Variants in HADHA observed in about 807,000 individuals in gnomAD.
HADHA encodes the protein trifunctional enzyme subunit alpha, mitochondrial.
A neutral mutation model predicts 91.3 loss-of-function variants in HADHA; 59 were observed. The ratio of observed to expected loss-of-function variants is 0.65; its 90% CI spans 0.52 to 0.80. The LOEUF (loss-of-function observed/expected upper bound fraction) is 0.80, where lower values mean the gene tolerates loss of function less well. HADHA is among the 30% of genes least tolerant of loss of function. The probability of loss-of-function intolerance (pLI) is 0.00; values close to 1 mark genes in which losing one functional copy is unlikely to be tolerated. For missense variants in HADHA, 800 were observed against 927.6 expected, an observed-to-expected ratio of 0.86 and a Z score of 1.79; for synonymous variants, 320 against 338.9, an observed-to-expected ratio of 0.94 and a Z score of 0.61.
chr2:26,226,620 C>T (rs1209679639), intron 7 of HADHA, among the ~76,000 whole-genome samples: 4 of 151,956 alleles, frequency 2.6e-5, no homozygotes, highest in Non-Finnish European at 5.9e-5. Flanking sequence ...TATTCATATG[C>T]AAAAAGGGAA....
In HADHA at chr2:26,215,195, A is replaced by G. The variant is rs757436238; in HGVS notation, c.677-20T>C. On this transcript the variant is annotated intron_variant, in intron 7 of 19. Coordinates refer to ENST00000380649, the MANE Select transcript of HADHA (RefSeq NM_000182.5). ...CTGGTCCTATAAAAATGAATGCAACACTGGAATGCAAATCAGGCTTAGACC... is the reference window on the plus strand; with the variant it reads ...CTGGTCCTATAAAAATGAATGCAACGCTGGAATGCAAATCAGGCTTAGACC... The G allele has an allele frequency of 2.5e-6, 4 of 1,611,500 alleles. No individual in the cohort carries two copies. The African/African-American group carries it at 5.3e-5, about 22-fold the overall frequency.
rs774114061 is a variant in HADHA at position 26,191,334 on chromosome 2, A to C, written c.2208T>G (p.Tyr736Ter). ...TGAACTGTTTTCCATAGGCAGCTTC[A>C]TATTTCTTGAGCCGGTCCACTATCT... ...AQKIVDRLKK[Y>*]EAAYGKQFTP... The change falls in exon 20 of 20, where the codon TAT becomes TAG. Residue 736 changes from tyrosine (Y) to a stop codon, truncating the protein, a stop_gained. Coordinates refer to ENST00000380649, the MANE Select transcript of HADHA (RefSeq NM_000182.5). LOFTEE classifies it high-confidence loss of function. 1 of 1,614,132 alleles carries C rather than the reference A, an allele frequency of 6.2e-7. No homozygotes were observed. The highest frequency in any genetic ancestry group is 8.5e-7 in the Non-Finnish European group (1 of 1,180,032).
intron 18 of HADHA, 115 bp downstream of exon 18, chr2:26,192,195 C>T: frequency 1.5e-6 from 1 of 676,454 alleles, no homozygotes; most frequent in African/African-American, 1.8e-5. Flanking sequence ...CAAACCTGCA[C>T]ATGTATCCCA....
chr2:26,236,571 A>C (rs535287630), intron 4 of HADHA, among the ~76,000 whole-genome samples: 2 of 151,906 alleles, frequency 1.3e-5, no homozygotes, highest in African/African-American at 4.8e-5. Flanking sequence ...AGCGTGTGCC[A>C]CCATGCCTAA....
chr2:26,244,488 A>C, intron 1 of HADHA, 42 bp downstream of exon 1: 1 of 1,549,608 alleles, frequency 6.5e-7, no homozygotes, highest in Non-Finnish European at 8.7e-7. Flanking sequence ...TCCCGGCAGG[A>C]GTTCTGCCCG....
intron 11 of HADHA, among the ~76,000 whole-genome samples, 189 bp downstream of exon 11, chr2:26,209,591 A>C (rs1016374936): frequency 6.6e-6 from 1 of 152,158 alleles, no homozygotes; most frequent in African/African-American, 2.4e-5. Flanking sequence ...TTTGGAAAAA[A>C]CTCAGAACAG....
intron 3 of HADHA, 76 bp downstream of exon 3, chr2:26,238,858 T>C: frequency 3.4e-6 from 3 of 891,372 alleles, no homozygotes; most frequent in Non-Finnish European, 5.7e-6. Context: ...TGGGGAAATA[T>C]GGGATACATC....
chr2:26,193,126 G>C (rs79247845), intron 17 of HADHA, among the ~76,000 whole-genome samples: 1 of 151,926 alleles, frequency 6.6e-6, no homozygotes, highest in Admixed American at 6.6e-5. Context: ...GGTAAAGCCC[G>C]GATGCAGAGC....
At position 26,232,886 on chromosome 2, in the gene HADHA, C is replaced by A. The variant is rs533786916; in HGVS notation, c.454-607G>T. 2.1e-5 allele frequency among the ~76,000 whole-genome samples: 3 copies of A among 145,768 alleles called. No homozygotes were observed. The East Asian group carries it at 6.4e-4, about 31-fold the overall frequency. On this transcript the variant is annotated intron_variant, in intron 5 of 19. Transcript: ENST00000380649. ...ACACATCTAGGCTATATGGGATAGCCTATTGCTCCTAGTCCAGCAGTCCCC... is the reference window on the plus strand; with the variant it reads ...ACACATCTAGGCTATATGGGATAGCATATTGCTCCTAGTCCAGCAGTCCCC...
chr2:26,214,962 A>G lies in HADHA; in HGVS notation c.799+91T>C, dbSNP rs1574615253. 4.9e-5 allele frequency: 57 copies of G among 1,165,568 alleles called. No homozygotes were observed. In the East Asian group the frequency reaches 1.3e-3, roughly 27 times the overall value. 72.2% of individuals were successfully genotyped at this position (1,165,568 alleles called of 1,614,324 possible). A position where few individuals can be genotyped will look rare whatever the true frequency, so the allele number is the denominator to read the frequency against. On this transcript the variant is annotated intron_variant, in intron 8 of 19. Transcript: ENST00000380649. The surrounding 1 kb of genome is among the most constrained non-coding windows in gnomAD (Gnocchi z 4.1). ...ACTTTATGCTTTGAGTAAATAATGC[A>G]TTTACCACTTCCTCATTTTGAATCT...
chr2:26,231,835 G>A (rs919196028), intron 6 of HADHA, among the ~76,000 whole-genome samples: 3 of 152,018 alleles, frequency 2.0e-5, no homozygotes, highest in Non-Finnish European at 4.4e-5. Flanking sequence ...TGGGTGCAGT[G>A]GTGCACGCCT....
rs72849161 is a variant in HADHA at position 26,195,599 on chromosome 2, C to T, written c.1480-367G>A. On this transcript the variant is annotated intron_variant, in intron 14 of 19. Transcript: ENST00000380649. Reference sequence around the variant, plus strand: ...GATAAGAGGATCCAGTTTTTTTGGGCGGGGGTGGGGCAGGCAGAAGAATTA... The same window carrying T: ...GATAAGAGGATCCAGTTTTTTTGGGTGGGGGTGGGGCAGGCAGAAGAATTA... Among the ~76,000 whole-genome samples the T allele has an allele frequency of 4.9e-3, 310 of 62,650 alleles. 1 individual carries two copies. Among genetic ancestry groups the T allele is most frequent in the African/African-American group, 0.017 (293 of 16,920 alleles). The allele number at this position is 62,650 out of a possible 152,430, so 41.1% of individuals were successfully genotyped here. A position where few individuals can be genotyped will look rare whatever the true frequency, so the allele number is the denominator to read the frequency against.
rs538007227 is a variant in HADHA, at chr2:26,201,810, T to A, written c.1221-490A>T. On this transcript the variant is annotated intron_variant, in intron 12 of 19. Transcript: ENST00000380649. Reference sequence around the variant, plus strand: ...AATCTTTTTTTTTTTTTATTTATTTTTTGAGACGGAGTCTCGCTCTGTTGC... The same window carrying A: ...AATCTTTTTTTTTTTTTATTTATTTATTGAGACGGAGTCTCGCTCTGTTGC... 7.2e-5 allele frequency among the ~76,000 whole-genome samples: 11 copies of A among 152,246 alleles called. No individual in the cohort carries two copies. In the East Asian group the frequency reaches 9.7e-4, roughly 13 times the overall value.
At position 26,214,726 on chromosome 2, in the gene HADHA, A is replaced by G; in HGVS notation, c.800-165T>C. On this transcript the variant is annotated intron_variant, in intron 8 of 19. Coordinates refer to ENST00000380649, the MANE Select transcript of HADHA (RefSeq NM_000182.5). The surrounding 1 kb of genome is among the most constrained non-coding windows in gnomAD (Gnocchi z 4.1). ...TTTCAACCTAAGCACTACCTTAAACATGCTAAGTGATGAATGTTAAAGCTG... is the reference window on the plus strand; with the variant it reads ...TTTCAACCTAAGCACTACCTTAAACGTGCTAAGTGATGAATGTTAAAGCTG... The G allele has an allele frequency of 1.6e-6, 1 of 642,538 alleles. No homozygotes were observed. Among genetic ancestry groups the G allele is most frequent in the South Asian group, 1.8e-5 (1 of 54,990 alleles). 39.8% of individuals were successfully genotyped at this position (642,538 alleles called of 1,614,324 possible).
At chr2:26,207,769 C>T (rs1430324392) in intron 11 of HADHA, among the ~76,000 whole-genome samples, 1 of 152,082 alleles carries the variant, frequency 6.6e-6, no homozygotes, top group Non-Finnish European at 1.5e-5. Flanking sequence ...ATTTGTAGCT[C>T]AGTATTTTTT....
chr2:26,201,483 A>T (rs1446513418), intron 12 of HADHA, among the ~76,000 whole-genome samples, 163 bp from the exon 13 acceptor site: 1 of 152,194 alleles, frequency 6.6e-6, no homozygotes, highest in Non-Finnish European at 1.5e-5. Context: ...TCTTAGAGGG[A>T]CCTGTGGTCA....
At chr2:26,219,346 T>G (rs1387837760) in intron 7 of HADHA, among the ~76,000 whole-genome samples, 1 of 152,070 alleles carries the variant, frequency 6.6e-6, no homozygotes, top group African/African-American at 2.4e-5. Flanking sequence ...CAGGACGGTC[T>G]CCATCTCCTG....
intron 7 of HADHA, among the ~76,000 whole-genome samples, chr2:26,218,529 A>C (rs899737108): frequency 2.0e-5 from 3 of 152,194 alleles, no homozygotes; most frequent in African/African-American, 7.2e-5. Context: ...GTGGGCAACT[A>C]TAAAAAAGAT....
At chr2:26,201,082 T>A in intron 13 of HADHA, 67 bp downstream of exon 13, 102 of 1,152,242 alleles carry the variant, frequency 8.9e-5, no homozygotes, top group Non-Finnish European at 1.1e-4. Context: ...ATAGCTCCTT[T>A]AAAAAAAAAA....
Sources: gnomAD v4.1 joint callset for allele counts (sites outside exome capture counted in the v4.1 genomes callset) on GRCh38, gnomAD v4.1.1 for gene constraint, Gnocchi (gnomAD v3.1) non-coding constraint, MANE v1.5 for transcripts, NCBI Gene and HGNC (gene_info 2026-07-23, HGNC 2026-07-21) for gene names.